PRKCB: variants seen among roughly 807,000 people sequenced by gnomAD.
PRKCB encodes protein kinase C beta type.
In PRKCB, 13 loss-of-function variants were observed where a neutral mutation model predicts 81.5. That is an observed-to-expected ratio of 0.16 (90% CI 0.10 to 0.25). PRKCB has a LOEUF of 0.25. Ranked by LOEUF, PRKCB falls within the 10% of genes least tolerant of loss-of-function variation. The pLI, the probability that PRKCB is intolerant of heterozygous loss-of-function variation, is 1.00. For missense variants in PRKCB, 509 were observed against 875.7 expected, an observed-to-expected ratio of 0.58 and a Z score of 5.29; for synonymous variants, 335 against 321.4, an observed-to-expected ratio of 1.04 and a Z score of -0.45.
intron 3 of PRKCB, among the ~76,000 whole-genome samples, chr16:23,994,955 A>G (rs1257077135): frequency 6.6e-6 from 1 of 152,180 alleles, no homozygotes; most frequent in African/African-American, 2.4e-5. Context: ...TGATGACATT[A>G]TGCTGATTTG....
At chr16:24,096,019 C>T (rs546322940) in intron 7 of PRKCB, among the ~76,000 whole-genome samples, 106 of 152,176 alleles carry the variant, frequency 7.0e-4, no homozygotes, top group Non-Finnish European at 1.2e-3. Flanking sequence ...TACACTAGGC[C>T]GGGCGCAGTG....
chr16:23,923,640 C>A (rs1247326993), intron 2 of PRKCB, among the ~76,000 whole-genome samples: 1 of 152,076 alleles, frequency 6.6e-6, no homozygotes, highest in African/African-American at 2.4e-5. Context: ...CTTCATAGCA[C>A]GCCATTGGTG....
At chr16:23,925,179 A>G (rs1373308334) in intron 2 of PRKCB, among the ~76,000 whole-genome samples, 2 of 152,132 alleles carry the variant, frequency 1.3e-5, no homozygotes, top group East Asian at 1.9e-4. Flanking sequence ...GAAAGAGAGA[A>G]TGGGATGGAA....
chr16:24,126,602 T>C (rs527858515), intron 9 of PRKCB, among the ~76,000 whole-genome samples: 62 of 152,252 alleles, frequency 4.1e-4, no homozygotes, highest in African/African-American at 1.4e-3. Flanking sequence ...AATCTTACTC[T>C]GTTGCCCAGG....
intron 2 of PRKCB, among the ~76,000 whole-genome samples, chr16:23,900,765 C>T (rs545290378): frequency 4.0e-5 from 4 of 99,854 alleles, no homozygotes; most frequent in African/African-American, 4.1e-5. Context: ...CTGTCCCATA[C>T]GGTCTTCTGT....
Position 24,122,157 on chromosome 16 carries a change from G to T in PRKCB, c.919-1678G>T, listed in dbSNP as rs565786703. Among the ~76,000 whole-genome samples the T allele has an allele frequency of 2.6e-5, 4 of 152,184 alleles. No homozygotes were observed. In the East Asian group the frequency reaches 7.7e-4, roughly 29 times the overall value. On this transcript the variant is annotated intron_variant, in intron 8 of 16. Coordinates refer to ENST00000643927, the MANE Select transcript of PRKCB (RefSeq NM_002738.7). ...TTTTATGTAGGGTGTTCAGGGAAGA[G>T]CCCTCTTATCAGAGGTGAGAGAGTT...
At chr16:23,943,660 T>G (rs1324499176) in intron 2 of PRKCB, among the ~76,000 whole-genome samples, 1 of 152,246 alleles carries the variant, frequency 6.6e-6, no homozygotes, top group East Asian at 1.9e-4. Context: ...GTAAAGGCAA[T>G]GCATTTTACG....
chr16:24,059,606 G>A (rs1355952358), intron 5 of PRKCB, among the ~76,000 whole-genome samples: 1 of 152,076 alleles, frequency 6.6e-6, no homozygotes, highest in African/African-American at 2.4e-5. Context: ...GTTTGAGGCT[G>A]CAGTAAGCTA....
chr16:24,205,680 C>A (rs910389493), intron 16 of PRKCB, among the ~76,000 whole-genome samples: 13 of 152,216 alleles, frequency 8.5e-5, no homozygotes, highest in African/African-American at 3.1e-4. Context: ...TAGTGCTTAA[C>A]ATACACTATT....
At chr16:24,116,354 C>T (rs1354079356) in intron 8 of PRKCB, among the ~76,000 whole-genome samples, 4 of 151,692 alleles carry the variant, frequency 2.6e-5, no homozygotes, top group East Asian at 1.9e-4. Flanking sequence ...CCCAGGAGTT[C>T]GAGACCAGCC....
At chr16:24,189,086 C>G (rs1322664857) in intron 15 of PRKCB, among the ~76,000 whole-genome samples, 2 of 152,162 alleles carry the variant, frequency 1.3e-5, no homozygotes, top group African/African-American at 4.8e-5. Context: ...ATAAACCTCT[C>G]CTGACAAAGC....
chr16:23,913,893 A>G (rs1289018490), intron 2 of PRKCB, among the ~76,000 whole-genome samples: 1 of 152,186 alleles, frequency 6.6e-6, no homozygotes, highest in Non-Finnish European at 1.5e-5. Flanking sequence ...CCTTAGCTTA[A>G]GCTGTGCCCC....
intron 2 of PRKCB, among the ~76,000 whole-genome samples, chr16:23,939,988 C>G (rs1031052005): frequency 3.9e-5 from 6 of 151,994 alleles, no homozygotes; most frequent in Admixed American, 3.3e-4. Context: ...ATAAAGAGCC[C>G]TCAAGTTTCA....
intron 3 of PRKCB, among the ~76,000 whole-genome samples, chr16:24,002,426 C>A (rs148266703): frequency 6.6e-6 from 1 of 151,290 alleles, no homozygotes; most frequent in African/African-American, 2.4e-5. Context: ...CTCACCGCAA[C>A]CCTCCCAGAT....
chr16:24,021,041 T>TCCCTCCCTC (rs1965366833), intron 3 of PRKCB, among the ~76,000 whole-genome samples: 1 of 55,768 alleles, frequency 1.8e-5, no homozygotes, highest in African/African-American at 7.8e-5. Flanking sequence ...TCTTTCTTTC[T>TCCCTCCCTC]CTTTCTTTCT....
chr16:23,836,535 C>T (rs78306264), intron 1 of PRKCB, among the ~76,000 whole-genome samples, 187 bp downstream of exon 1: 3,445 of 152,208 alleles, frequency 0.023, 133 homozygotes, highest in African/African-American at 0.079. Flanking sequence ...GCCCTGTCCC[C>T]ACCCTGGTCC....
rs1439335396 is a variant in PRKCB, at chr16:24,174,562, G to C, written c.1376G>C (p.Ser459Thr). 2.5e-6 allele frequency: 4 copies of C among 1,612,612 alleles called. No homozygotes were observed. The highest frequency in any genetic ancestry group is 3.4e-6 in the Non-Finnish European group (4 of 1,179,510). The part of the protein sequence containing the change: ...EIAIGLFFLQ[S>T]KGIIYRDLKL... Reference sequence around the variant, plus strand: ...GCCATCGGTCTGTTCTTCTTACAGAGTAAGGGCATCATTTACCGGTAAGTG... The same window carrying C: ...GCCATCGGTCTGTTCTTCTTACAGACTAAGGGCATCATTTACCGGTAAGTG... Residue 459 changes from serine to threonine, a missense_variant, in exon 12 of 17, where the codon AGT (serine) becomes ACT (threonine). Ser to Thr is a moderately conservative substitution (Grantham distance 58). Coordinates refer to ENST00000643927, the MANE Select transcript of PRKCB (RefSeq NM_002738.7).
intron 2 of PRKCB, among the ~76,000 whole-genome samples, chr16:23,899,056 T>G (rs1440666206): frequency 6.6e-6 from 1 of 152,216 alleles, no homozygotes; most frequent in East Asian, 1.9e-4. Context: ...TCGTGTTGCA[T>G]CTCAGGGCTT....
chr16:24,096,683 A>G (rs866341685), intron 7 of PRKCB, among the ~76,000 whole-genome samples: 1,797 of 96,884 alleles, frequency 0.019, 114 homozygotes, highest in African/African-American at 0.083. Flanking sequence ...ATATATATAT[A>G]TATATATATA....
Sources: gnomAD v4.1 joint callset for allele counts (sites outside exome capture counted in the v4.1 genomes callset) on GRCh38, gnomAD v4.1.1 for gene constraint, MANE v1.5 for transcripts, NCBI Gene and HGNC (gene_info 2026-07-23, HGNC 2026-07-21) for gene names.